Variants in DDX19A observed in about 807,000 individuals in gnomAD.
DDX19A encodes ATP-dependent RNA helicase DDX19A.
In DDX19A, 12 loss-of-function variants were observed where a neutral mutation model predicts 60.6. That is an observed-to-expected ratio of 0.20 (90% CI 0.13 to 0.32). The LOEUF is 0.32. Ranked by LOEUF, DDX19A falls within the 10% of genes least tolerant of loss-of-function variation. DDX19A has a pLI of 1.00. For synonymous variants in DDX19A, 206 were observed against 218.2 expected (o/e 0.94, Z 0.49); for missense variants, 337 against 600.6 (o/e 0.56, Z 4.59).
intron 8 of DDX19A, 36 bp downstream of exon 8, chr16:70,366,298 C>G: frequency 1.9e-6 from 3 of 1,613,238 alleles, no homozygotes; most frequent in Non-Finnish European, 2.5e-6. Flanking sequence ...CCTCAGACTC[C>G]CCATCTGCAG....
intron 5 of DDX19A, among the ~76,000 whole-genome samples, chr16:70,362,916 A>C (rs1180631924): frequency 6.6e-6 from 1 of 150,824 alleles, no homozygotes; most frequent in Non-Finnish European, 1.5e-5. Flanking sequence ...AGGGAGGCTG[A>C]GGTGGGAGGA....
At chr16:70,354,076 A>C in intron 2 of DDX19A, among the ~76,000 whole-genome samples, 1 of 151,286 alleles carries the variant, frequency 6.6e-6, no homozygotes, top group Non-Finnish European at 1.5e-5. Context: ...CCAGGCTGAC[A>C]TTTGCAATTT....
rs1243787442 is a variant in DDX19A at position 70,363,628 on chromosome 16, C to T, written c.387-915C>T. The stretch of plus-strand genomic sequence containing the variant: ...GGGATTACAGGCGTGAGCCACCGCA[C>T]CCAGCCTAATTTTTGTATTTTTAAT... On this transcript the variant is annotated intron_variant, in intron 5 of 11. Transcript: ENST00000302243. The T allele has an allele frequency of 4.0e-5, 6 of 149,944 alleles. No homozygotes were observed. In the East Asian group the frequency reaches 1.2e-3, roughly 30 times the overall value. The allele number at this position is 149,944 out of a possible 1,614,324, so 9.3% of individuals were successfully genotyped here.
intron 7 of DDX19A, 81 bp from the exon 8 acceptor site, chr16:70,366,004 C>G (rs79528925): frequency 0.02 from 31,907 of 1,602,396 alleles, 422 homozygotes; most frequent in South Asian, 0.027. Context: ...TCTCCTAGTC[C>G]TAGAAGGATG....
At chr16:70,358,476 CTTT>C (rs113552631) in intron 4 of DDX19A, among the ~76,000 whole-genome samples, 2,290 of 140,844 alleles carry the variant, frequency 0.016, 57 homozygotes, top group African/African-American at 0.056. Context: ...GGCCCAATAA[CTTT>C]TTTTTTTTTT....
At chr16:70,369,548 GC>G (rs1431840134) in intron 9 of DDX19A, among the ~76,000 whole-genome samples, 1 of 151,612 alleles carries the variant, frequency 6.6e-6, no homozygotes, top group Non-Finnish European at 1.5e-5. Context: ...GTGGTTATAG[GC>G]GTGAGCCACC....
intron 2 of DDX19A, among the ~76,000 whole-genome samples, chr16:70,353,425 T>A (rs1422132118): frequency 3.3e-5 from 5 of 152,144 alleles, no homozygotes; most frequent in East Asian, 1.9e-4. Context: ...TTTTTTAAAA[T>A]TTTTTTTAAG....
intron 9 of DDX19A, among the ~76,000 whole-genome samples, chr16:70,369,326 C>G (rs763840590): frequency 6.6e-6 from 1 of 151,776 alleles, no homozygotes; most frequent in Non-Finnish European, 1.5e-5. Flanking sequence ...ATTACATGCA[C>G]ATGCCACCAC....
chr16:70,355,510 C>T lies in DDX19A; in HGVS notation c.132C>T (p.Ala44=), dbSNP rs145866593. Residue 44 remains alanine (A), a synonymous_variant, in exon 3 of 12, where the codon GCC becomes GCT. Transcript: ENST00000302243. ...TNGIIKTSTT[A]EKTDEEEKED... ...GTATTATCAAAACCAGTACCACTGC[C>T]GAGAAAACAGATGAAGAGGAGAAAG... 6.2e-6 allele frequency: 10 copies of T among 1,613,760 alleles called. No homozygotes were observed. Among genetic ancestry groups the T allele is most frequent in the South Asian group, 4.4e-5 (4 of 91,082 alleles).
intron 7 of DDX19A, 71 bp from the exon 8 acceptor site, chr16:70,366,014 G>A (rs762384210): frequency 6.2e-7 from 1 of 1,607,888 alleles, no homozygotes; most frequent in Non-Finnish European, 8.5e-7. Flanking sequence ...CTAGAAGGAT[G>A]GGCAGGGCTT....
In DDX19A at chr16:70,373,157, G is replaced by T. The variant is rs889646393; in HGVS notation, c.*1171G>T. 7.2e-5 allele frequency: 11 copies of T among 152,152 alleles called. No individual in the cohort carries two copies. The highest frequency in any genetic ancestry group is 2.4e-4 in the African/African-American group (10 of 41,426). The allele number at this position is 152,152 out of a possible 1,614,324, so 9.4% of individuals were successfully genotyped here. ...AGGCTGAGGTAGGAGGATCGCTTGA[G>T]CCTGGGTAGAGGCTGCTGTGAGCTG... On this transcript the variant is annotated 3_prime_UTR_variant, in exon 12 of 12. Coordinates refer to ENST00000302243, the MANE Select transcript of DDX19A (RefSeq NM_018332.5).
At position 70,366,713 on chromosome 16, in the gene DDX19A, C is replaced by G. The variant is rs757644761; in HGVS notation, c.872C>G (p.Pro291Arg). Residue 291 changes from proline (P) to arginine (R), a missense_variant, in exon 9 of 12, where the codon CCA becomes CGA. Pro to Arg is a moderately radical substitution (Grantham distance 103). Coordinates refer to ENST00000302243, the MANE Select transcript of DDX19A (RefSeq NM_018332.5). ...TTTGCCCAGAAAGTGGTCCCAGACC[C>G]AAATGTTATCAAACTGAAGCGTGAG... ...WKFAQKVVPDPNVIKLKREEE... is the reference protein window; with the variant it reads ...WKFAQKVVPDRNVIKLKREEE... 2.5e-6 allele frequency: 4 copies of G among 1,614,206 alleles called. No homozygotes were observed. The highest frequency in any genetic ancestry group is 3.4e-6 in the Non-Finnish European group (4 of 1,180,048).
chr16:70,349,689 A>G (rs1963954902), intron 1 of DDX19A, among the ~76,000 whole-genome samples: 1 of 152,178 alleles, frequency 6.6e-6, no homozygotes, highest in South Asian at 2.1e-4. Flanking sequence ...TGGTCCTTGC[A>G]CTCTGGAGTT....
intron 5 of DDX19A, among the ~76,000 whole-genome samples, chr16:70,361,791 C>T (rs35878591): frequency 0.29 from 44,489 of 152,044 alleles, 8,034 homozygotes; most frequent in Non-Finnish European, 0.39. Context: ...AATCCTAGCA[C>T]TTTGGGAGGC....
intron 1 of DDX19A, among the ~76,000 whole-genome samples, chr16:70,349,552 G>A (rs1963949890): frequency 6.6e-6 from 1 of 152,202 alleles, no homozygotes; most frequent in Admixed American, 6.5e-5. Flanking sequence ...CAGGCCTGCT[G>A]TGTTCTCTTC....
chr16:70,371,067 G>A (rs138457285), intron 10 of DDX19A: 66 of 523,650 alleles, frequency 1.3e-4, no homozygotes, highest in African/African-American at 1.1e-3. Context: ...GGAAGGAAAT[G>A]TACAGGCATC....
At position 70,355,474 on chromosome 16, in the gene DDX19A, T is replaced by C. The variant is rs1303851058; in HGVS notation, c.107-11T>C. The C allele has an allele frequency of 6.2e-7, 1 of 1,609,266 alleles. No individual in the cohort carries two copies. Among genetic ancestry groups the C allele is most frequent in the Non-Finnish European group, 8.5e-7 (1 of 1,175,710 alleles). ...TGCCTTTCTAATTATGACAATTGTT[T>C]TCTTGTGTAGGTATTATCAAAACCA... On this transcript the variant is annotated splice_polypyrimidine_tract_variant and intron_variant, in intron 2 of 11. Transcript: ENST00000302243.
intron 8 of DDX19A, 170 bp from the exon 9 acceptor site, chr16:70,366,453 AG>A: frequency 8.1e-7 from 1 of 1,227,332 alleles, no homozygotes; most frequent in Non-Finnish European, 1.1e-6. Flanking sequence ...AAGGAGACCT[AG>A]GGACTCTTCC....
intron 5 of DDX19A, chr16:70,364,299 C>CT (rs1435878083): frequency 1.3e-5 from 6 of 470,616 alleles, no homozygotes; most frequent in Non-Finnish European, 1.9e-5. Context: ...TTTAGCTGTG[C>CT]TAGAGGCTAG....
Sources: allele counts gnomAD v4.1 joint callset (sites outside exome capture counted in the v4.1 genomes callset), GRCh38; gene constraint gnomAD v4.1.1; transcripts MANE v1.5; gene names NCBI Gene and HGNC (gene_info 2026-07-23, HGNC 2026-07-21).